Variants in CNTN5 observed in about 807,000 individuals in gnomAD.
CNTN5 encodes contactin 5.
In CNTN5, 77 loss-of-function variants were observed where a neutral mutation model predicts 129.1. The observed-to-expected ratio is 0.60, with a 90% CI of 0.50 to 0.72. The LOEUF (loss-of-function observed/expected upper bound fraction) is 0.72. Among genes scored for constraint, CNTN5 ranks in the 30% least tolerant of loss-of-function variants. CNTN5 has a pLI of 0.00. For missense variants in CNTN5, 1,478 were observed against 1,328.8 expected (o/e 1.11, Z -1.75); for synonymous variants, 509 against 465.6 (o/e 1.09, Z -1.20).
chr11:99,635,314 T>A (rs1181781264), intron 3 of CNTN5, among the ~76,000 whole-genome samples: 1 of 152,192 alleles, frequency 6.6e-6, no homozygotes, highest in Non-Finnish European at 1.5e-5. Flanking sequence ...TATTTTTTGC[T>A]TATGCGAGTC....
intron 14 of CNTN5, among the ~76,000 whole-genome samples, chr11:100,192,120 A>T (rs1948513063): frequency 6.6e-6 from 1 of 152,086 alleles, no homozygotes. Context: ...AATGTAAAAT[A>T]TACTTTCATT....
intron 21 of CNTN5, among the ~76,000 whole-genome samples, chr11:100,326,366 A>C (rs1183177821): frequency 6.6e-6 from 1 of 152,172 alleles, no homozygotes; most frequent in Non-Finnish European, 1.5e-5. Flanking sequence ...AAATTCTGAC[A>C]TTTAAGATAG....
chr11:99,310,222 T>G (rs1865051549), intron 1 of CNTN5, among the ~76,000 whole-genome samples: 3 of 152,306 alleles, frequency 2.0e-5, no homozygotes, highest in South Asian at 2.1e-4. Flanking sequence ...CAATGCTGAT[T>G]AATAATTTAT....
intron 3 of CNTN5, among the ~76,000 whole-genome samples, chr11:99,701,731 A>G (rs552573476): frequency 9.4e-4 from 142 of 151,152 alleles, no homozygotes; most frequent in South Asian, 2.1e-3. Context: ...ACTGCTTTCA[A>G]CTAAGAAAAT....
chr11:99,768,608 C>A (rs1202585028), intron 3 of CNTN5, among the ~76,000 whole-genome samples: 1 of 152,058 alleles, frequency 6.6e-6, no homozygotes, highest in African/African-American at 2.4e-5. Context: ...TTGAGTCATA[C>A]AATTTGGATT....
At chr11:99,285,779 T>C (rs1863911521) in intron 1 of CNTN5, among the ~76,000 whole-genome samples, 1 of 152,086 alleles carries the variant, frequency 6.6e-6, no homozygotes, top group Non-Finnish European at 1.5e-5. Flanking sequence ...GGCTCATGCC[T>C]GTAATCCCAG....
At chr11:99,575,658 A>C (rs1435724191) in intron 3 of CNTN5, among the ~76,000 whole-genome samples, 1 of 152,198 alleles carries the variant, frequency 6.6e-6, no homozygotes, top group African/African-American at 2.4e-5. Context: ...GGTAGAGTAC[A>C]TACTGAATCC....
At chr11:99,950,217 G>T (rs779394665) in intron 7 of CNTN5, among the ~76,000 whole-genome samples, 1 of 152,124 alleles carries the variant, frequency 6.6e-6, no homozygotes. Flanking sequence ...AGTGGCTCAC[G>T]CCTGTAATCC....
chr11:99,147,581 A>T (rs1859850124), intron 1 of CNTN5, among the ~76,000 whole-genome samples: 1 of 152,202 alleles, frequency 6.6e-6, no homozygotes, highest in Non-Finnish European at 1.5e-5. Flanking sequence ...GAAATTATGA[A>T]TAATATGTTT....
Position 100,333,302 on chromosome 11 carries a change from A to T in CNTN5, c.2731-7161A>T, listed in dbSNP as rs527592142. On this transcript the variant is annotated intron_variant, in intron 21 of 24. Coordinates refer to ENST00000524871, the MANE Select transcript of CNTN5 (RefSeq NM_014361.4). ...ACACAAATTGAAACACATCATGCTC[A>T]TGGATGGGTAGAATCAATATTGTCA... Among the ~76,000 whole-genome samples, 18 of 150,360 alleles carry T rather than the reference A, an allele frequency of 1.2e-4. 1 individual carries two copies. In the South Asian group the frequency reaches 3.9e-3, roughly 32 times the overall value.
At chr11:99,962,333 G>A (rs1400803322) in intron 8 of CNTN5, among the ~76,000 whole-genome samples, 2 of 133,420 alleles carry the variant, frequency 1.5e-5, no homozygotes, top group African/African-American at 2.8e-5. Context: ...ACAAGCCCCG[G>A]TGTGAGATGT....
intron 1 of CNTN5, among the ~76,000 whole-genome samples, chr11:99,216,489 C>T (rs949855173): frequency 6.6e-5 from 10 of 152,122 alleles, no homozygotes; most frequent in South Asian, 6.2e-4. Context: ...TAGATACATT[C>T]GTTGCTTTTC....
intron 2 of CNTN5, among the ~76,000 whole-genome samples, chr11:99,332,317 T>C: frequency 6.6e-6 from 1 of 151,952 alleles, no homozygotes; most frequent in East Asian, 1.9e-4. Flanking sequence ...TCATCTTATA[T>C]GAAATAAAAG....
chr11:99,996,214 C>T (rs990870691), intron 8 of CNTN5, among the ~76,000 whole-genome samples: 2 of 151,918 alleles, frequency 1.3e-5, no homozygotes, highest in Non-Finnish European at 2.9e-5. Flanking sequence ...CCATCTAGTG[C>T]CTTTTGTCTG....
At position 100,071,781 on chromosome 11, in the gene CNTN5, T is replaced by TG; in HGVS notation, c.1378dup (p.Ala460GlyfsTer2). 1 of 1,607,204 alleles carries TG rather than the reference T, an allele frequency of 6.2e-7. No individual in the cohort carries two copies. Among genetic ancestry groups the TG allele is most frequent in the Admixed American group, 1.7e-5 (1 of 59,252 alleles). On this transcript the variant is annotated frameshift_variant, in exon 12 of 25. Transcript: ENST00000524871. LOFTEE classifies it high-confidence loss of function. ...TCAGATGCTGGAATGTATCAGTGTTTGGCTGAAAATAAGTATGGAGCCATT... is the reference window on the plus strand; with the variant it reads ...TCAGATGCTGGAATGTATCAGTGTTTGGGCTGAAAATAAGTATGGAGCCATT...
At chr11:99,353,203 AG>A (rs1938419902) in intron 2 of CNTN5, among the ~76,000 whole-genome samples, 1 of 152,206 alleles carries the variant, frequency 6.6e-6, no homozygotes, top group African/African-American at 2.4e-5. Flanking sequence ...CAATAATATG[AG>A]GAAAAGGCAC....
At chr11:100,157,694 T>TGATACAGTCTTA (rs1457603628) in intron 13 of CNTN5, among the ~76,000 whole-genome samples, 1 of 151,798 alleles carries the variant, frequency 6.6e-6, no homozygotes, top group African/African-American at 2.4e-5. Flanking sequence ...AAGACAACTA[T>TGATACAGTCTTA]GATACAGTCT....
chr11:99,353,041 ACCTGCCACTTGCC>A (rs919059669), intron 2 of CNTN5, among the ~76,000 whole-genome samples: 2 of 151,950 alleles, frequency 1.3e-5, no homozygotes, highest in Non-Finnish European at 2.9e-5. Context: ...ATCATTAGCC[ACCTGCCACTTGCC>A]CCTGCCACTT....
chr11:99,363,682 C>T (rs985314180), intron 2 of CNTN5, among the ~76,000 whole-genome samples: 4 of 151,944 alleles, frequency 2.6e-5, no homozygotes, highest in African/African-American at 9.7e-5. Context: ...CCATATTTCA[C>T]GGGTCAAACA....
Sources: allele counts gnomAD v4.1 joint callset (sites outside exome capture counted in the v4.1 genomes callset), GRCh38; gene constraint gnomAD v4.1.1; transcripts MANE v1.5; gene names NCBI Gene and HGNC (gene_info 2026-07-23, HGNC 2026-07-21).